Variants in SLC14A2 observed in about 807,000 individuals in gnomAD.
SLC14A2 encodes the protein urea transporter 2.
A neutral mutation model predicts 104.6 loss-of-function variants in SLC14A2; 91 were observed. That is an observed-to-expected ratio of 0.87 (90% CI 0.73 to 1.04). SLC14A2 has a LOEUF of 1.04. Among genes scored for constraint, SLC14A2 ranks in the 50% least tolerant of loss-of-function variants. The pLI, the probability that SLC14A2 is intolerant of heterozygous loss-of-function variation, is 0.00. For missense variants in SLC14A2, 1,189 were observed against 1,156.0 expected, an observed-to-expected ratio of 1.03 and a Z score of -0.41; for synonymous variants, 476 against 466.4, an observed-to-expected ratio of 1.02 and a Z score of -0.27.
rs142630320 is a variant in SLC14A2 at position 45,381,984 on chromosome 18, T to G, written c.-124-101249T>G. On this transcript the variant is annotated intron_variant, in intron 1 of 20. Transcript: ENST00000586448. ...CAACTGCTTGCAAAAAACATGCAGT[T>G]TATATAACATTTCCGCTTAGCACCC... is the stretch of plus-strand genomic sequence containing the variant. 3.2e-3 allele frequency among the ~76,000 whole-genome samples: 485 copies of G among 152,172 alleles called. 6 individuals carry two copies. Among genetic ancestry groups the G allele is most frequent in the Non-Finnish European group, 7.2e-4 (49 of 67,982 alleles).
At chr18:45,513,437 AT>A (rs1231605181) in intron 2 of SLC14A2, among the ~76,000 whole-genome samples, 2 of 152,164 alleles carry the variant, frequency 1.3e-5, no homozygotes, top group Admixed American at 6.5e-5. Context: ...AACAAAGCAT[AT>A]TTTTTAATGC....
At chr18:45,214,401 G>A (rs1400250688) in intron 1 of SLC14A2, among the ~76,000 whole-genome samples, 1 of 152,180 alleles carries the variant, frequency 6.6e-6, no homozygotes, top group Admixed American at 6.5e-5. Flanking sequence ...AGGGAGGAAA[G>A]GAAAGCCCTG....
At chr18:45,590,419 A>G (rs1437708026) in intron 2 of SLC14A2, among the ~76,000 whole-genome samples, 1 of 152,222 alleles carries the variant, frequency 6.6e-6, no homozygotes, top group Non-Finnish European at 1.5e-5. Context: ...CCACTGGACT[A>G]TAATTCACAT....
chr18:45,632,558 C>A, intron 5 of SLC14A2, 80 bp downstream of exon 5: 1 of 1,501,340 alleles, frequency 6.7e-7, no homozygotes, highest in Non-Finnish European at 9.0e-7. Flanking sequence ...AGAGACAGGA[C>A]ATACACATGT....
intron 1 of SLC14A2, among the ~76,000 whole-genome samples, chr18:45,279,055 TGCCCAGGCATGCTG>T (rs2084734176): frequency 2.0e-5 from 3 of 152,202 alleles, no homozygotes; most frequent in Admixed American, 2.0e-4. Context: ...AGTTGAATCC[TGCCCAGGCATGCTG>T]GCCCAGGGCC....
chr18:45,177,107 C>T, the SLC14A2 span, among the ~76,000 whole-genome samples: 2 of 152,166 alleles, frequency 1.3e-5, no homozygotes, highest in Non-Finnish European at 2.9e-5. Flanking sequence ...TGACTCCTCA[C>T]TCTTCTTTGT....
At chr18:45,318,585 C>T (rs1157866025) in intron 1 of SLC14A2, among the ~76,000 whole-genome samples, 2 of 152,050 alleles carry the variant, frequency 1.3e-5, no homozygotes, top group Non-Finnish European at 2.9e-5. Context: ...GTCAGGAGTT[C>T]GAGACCAGCC....
At chr18:45,488,144 G>T (rs1483412703) in intron 2 of SLC14A2, among the ~76,000 whole-genome samples, 1 of 152,168 alleles carries the variant, frequency 6.6e-6, no homozygotes, top group Non-Finnish European at 1.5e-5. Flanking sequence ...GGAGAAATGA[G>T]GTATGGCCTT....
intron 1 of SLC14A2, among the ~76,000 whole-genome samples, chr18:45,409,264 T>C (rs2086188738): frequency 6.6e-6 from 1 of 152,178 alleles, no homozygotes; most frequent in African/African-American, 2.4e-5. Context: ...CAAGATATTT[T>C]AGATGAGAGC....
intron 2 of SLC14A2, among the ~76,000 whole-genome samples, chr18:45,567,320 CCAGA>C (rs893883388): frequency 7.2e-5 from 11 of 152,020 alleles, no homozygotes; most frequent in African/African-American, 1.9e-4. Flanking sequence ...AGACGCTGGC[CCAGA>C]CAGACAGAGT....
chr18:45,209,473 T>A (rs1384024322), upstream of SLC14A2, among the ~76,000 whole-genome samples: 1 of 152,094 alleles, frequency 6.6e-6, no homozygotes, highest in African/African-American at 2.4e-5. Flanking sequence ...TATACATTTT[T>A]AATTTCTGAA....
chr18:45,580,973 T>C (rs2044482655), intron 2 of SLC14A2, among the ~76,000 whole-genome samples: 1 of 151,978 alleles, frequency 6.6e-6, no homozygotes, highest in Admixed American at 6.6e-5. Context: ...GGAGGCACAG[T>C]TGTTCTGCAG....
intron 2 of SLC14A2, among the ~76,000 whole-genome samples, chr18:45,518,397 CTTCATTCATTCATTCA>C (rs10589715): frequency 7.9e-5 from 12 of 151,406 alleles, no homozygotes; most frequent in Non-Finnish European, 1.3e-4. Flanking sequence ...TAGCATTTGT[CTTCATTCATTCATTCA>C]TTCATTCATT....
chr18:45,249,372 C>A (rs1366647298), intron 1 of SLC14A2, among the ~76,000 whole-genome samples: 1 of 150,220 alleles, frequency 6.7e-6, no homozygotes, highest in Admixed American at 6.6e-5. Context: ...GCTGAACATG[C>A]GTTGAGCAGC....
chr18:45,189,490 C>G, the SLC14A2 span, among the ~76,000 whole-genome samples: 2 of 152,088 alleles, frequency 1.3e-5, no homozygotes, highest in African/African-American at 4.8e-5. Flanking sequence ...TATGGAGAAA[C>G]TGTCATCAAT....
chr18:45,378,377 T>C (rs1000253590), intron 1 of SLC14A2, among the ~76,000 whole-genome samples: 1 of 152,218 alleles, frequency 6.6e-6, no homozygotes, highest in Non-Finnish European at 1.5e-5. Context: ...TGAGCTGTTA[T>C]AGCACAGTTA....
At chr18:45,216,392 G>T (rs537541264) in intron 1 of SLC14A2, among the ~76,000 whole-genome samples, 3 of 152,306 alleles carry the variant, frequency 2.0e-5, no homozygotes, top group Admixed American at 2.0e-4. Flanking sequence ...GGCCAACAGA[G>T]TGAGGCTGGT....
chr18:45,528,386 T>G (rs1598964337), intron 2 of SLC14A2: 1 of 152,118 alleles, frequency 6.6e-6, no homozygotes, highest in East Asian at 1.9e-4. Context: ...AAAGACTCAC[T>G]GACATCCTGA....
intron 2 of SLC14A2, among the ~76,000 whole-genome samples, chr18:45,552,880 CAA>C (rs2044076294): frequency 6.6e-6 from 1 of 152,170 alleles, no homozygotes. Flanking sequence ...GAGGCCATGG[CAA>C]AGATTTGGCT....
Sources: gnomAD v4.1 joint callset for allele counts (sites outside exome capture counted in the v4.1 genomes callset) on GRCh38, gnomAD v4.1.1 for gene constraint, MANE v1.5 for transcripts, NCBI Gene and HGNC (gene_info 2026-07-23, HGNC 2026-07-21) for gene names.